ZNF385C: variants seen among roughly 807,000 people sequenced by gnomAD.
ZNF385C encodes the protein zinc finger protein 385C.
Under a neutral mutation model 35.4 loss-of-function variants are expected in ZNF385C, and 28 were observed. The observed-to-expected ratio is 0.79, with a 90% CI of 0.59 to 1.08. The LOEUF (loss-of-function observed/expected upper bound fraction) is 1.08. ZNF385C is among the 50% of genes least tolerant of loss of function. ZNF385C has a pLI of 0.00. For synonymous variants in ZNF385C, 248 were observed against 248.2 expected (o/e 1.00, Z 0.01); for missense variants, 605 against 595.6 (o/e 1.02, Z -0.16).
Position 42,041,988 on chromosome 17 carries a change from A to G in ZNF385C, c.251-4103T>C, listed in dbSNP as rs569377568. Among the ~76,000 whole-genome samples, 284 of 152,362 alleles carry G rather than the reference A, an allele frequency of 1.9e-3. 2 individuals carry two copies. Among genetic ancestry groups the G allele is most frequent in the African/African-American group, 6.2e-3 (259 of 41,582 alleles). On this transcript the variant is annotated intron_variant, in intron 2 of 8. Coordinates refer to ENST00000692273, the MANE Select transcript of ZNF385C (RefSeq NM_001392013.1). ...GTCACAAATCTAGATTTTTATATGT[A>G]ATCTCCTGAGTTTTTTAAAAGTTGA...
At chr17:42,076,478 T>C (rs2053686605) in intron 1 of ZNF385C, among the ~76,000 whole-genome samples, 1 of 152,046 alleles carries the variant, frequency 6.6e-6, no homozygotes, top group Non-Finnish European at 1.5e-5. Context: ...AAAAATTAGC[T>C]GGGCGTGGTG....
chr17:42,037,021 A>G (rs1207382273), intron 3 of ZNF385C, among the ~76,000 whole-genome samples: 1 of 152,214 alleles, frequency 6.6e-6, no homozygotes, highest in African/African-American at 2.4e-5. Flanking sequence ...GCACACGTGT[A>G]CAAGGAAATG....
chr17:42,096,691 A>C (rs757785713), intron 1 of ZNF385C, among the ~76,000 whole-genome samples: 26 of 152,144 alleles, frequency 1.7e-4, no homozygotes, highest in Non-Finnish European at 2.8e-4. Flanking sequence ...AGTGATGACA[A>C]GAGGGCATTT....
chr17:42,054,877 C>T (rs942941141), intron 2 of ZNF385C, among the ~76,000 whole-genome samples: 6 of 152,134 alleles, frequency 3.9e-5, no homozygotes, highest in South Asian at 2.1e-4. Flanking sequence ...CCACAGCACC[C>T]GGCCTGATCC....
chr17:42,098,279 G>A (rs1489489968), intron 1 of ZNF385C, 131 bp downstream of exon 1: 7 of 152,378 alleles, frequency 4.6e-5, no homozygotes, highest in African/African-American at 1.7e-4. Context: ...GCCGAGATAG[G>A]GATATCCTCA....
intron 4 of ZNF385C, among the ~76,000 whole-genome samples, chr17:42,032,571 G>C (rs1409537424): frequency 6.6e-6 from 1 of 152,182 alleles, no homozygotes. Flanking sequence ...CCCACACTTT[G>C]GGGTGTATGT....
chr17:42,087,627 C>T (rs898302434), intron 1 of ZNF385C, among the ~76,000 whole-genome samples: 8 of 152,152 alleles, frequency 5.3e-5, no homozygotes, highest in African/African-American at 1.7e-4. Context: ...CTTAAAAGAT[C>T]AATGGCCCCA....
intron 2 of ZNF385C, among the ~76,000 whole-genome samples, chr17:42,055,164 A>G (rs1555657459): frequency 1.3e-5 from 2 of 152,182 alleles, no homozygotes; most frequent in African/African-American, 2.4e-5. Context: ...GGAGCAGCCA[A>G]CATTCACAAA....
intron 1 of ZNF385C, among the ~76,000 whole-genome samples, chr17:42,066,187 G>A (rs555619041): frequency 4.5e-4 from 68 of 152,250 alleles, no homozygotes; most frequent in African/African-American, 1.6e-3. Context: ...AGCCTCCCGA[G>A]TAGCTGGGAC....
At chr17:42,085,637 G>A (rs1406348859) in intron 1 of ZNF385C, among the ~76,000 whole-genome samples, 7 of 139,466 alleles carry the variant, frequency 5.0e-5, no homozygotes, top group African/African-American at 5.4e-5. Context: ...TCACTTTGTC[G>A]CCCAGGCTGG....
chr17:42,087,940 T>C lies in ZNF385C; in HGVS notation c.-3+10470A>G, dbSNP rs147571504. 3.6e-3 allele frequency among the ~76,000 whole-genome samples: 551 copies of C among 152,344 alleles called. 4 individuals carry two copies. The highest frequency in any genetic ancestry group is 0.013 in the African/African-American group (524 of 41,576). On this transcript the variant is annotated intron_variant, in intron 1 of 8. Transcript: ENST00000692273. ...TATAAACTATAAGCTAAAACACTGATTTAAAACAGTCTGACAAAACTGTTT... is the reference window on the plus strand; with the variant it reads ...TATAAACTATAAGCTAAAACACTGACTTAAAACAGTCTGACAAAACTGTTT...
At chr17:42,041,588 T>C (rs2053023476) in intron 2 of ZNF385C, among the ~76,000 whole-genome samples, 1 of 152,102 alleles carries the variant, frequency 6.6e-6, no homozygotes, top group Non-Finnish European at 1.5e-5. Context: ...GAAAGCTAGT[T>C]TTTTCACTGT....
rs1382846938 is a variant in ZNF385C, at chr17:42,052,645, A to G, written c.250+10162T>C. ...CATATACCCAGAGAGACAGATGCACATGAACGTACAGACTCCTACAAATGC... is the reference window on the plus strand; with the variant it reads ...CATATACCCAGAGAGACAGATGCACGTGAACGTACAGACTCCTACAAATGC... On this transcript the variant is annotated intron_variant, in intron 2 of 8. Transcript: ENST00000692273. Among the ~76,000 whole-genome samples, 3 of 152,320 alleles carry G rather than the reference A, an allele frequency of 2.0e-5. No homozygotes were observed. In the East Asian group the frequency reaches 5.8e-4, roughly 29 times the overall value.
chr17:42,034,171 G>A (rs2052789736), intron 4 of ZNF385C, 54 bp downstream of exon 4: 3 of 1,408,686 alleles, frequency 2.1e-6, no homozygotes, highest in Middle Eastern at 1.8e-4. Context: ...CCAGCCTCCA[G>A]CCCTCTCCCT....
At position 42,026,939 on chromosome 17, in the gene ZNF385C, A is replaced by C; in HGVS notation, c.1470T>G (p.Ala490=). 1.9e-6 allele frequency: 3 copies of C among 1,609,270 alleles called. No individual in the cohort carries two copies. Among genetic ancestry groups the C allele is most frequent in the Non-Finnish European group, 1.7e-6 (2 of 1,177,704 alleles). Residue 490 remains alanine, a synonymous_variant, in exon 9 of 9, where the codon GCT becomes GCG. Coordinates refer to ENST00000692273, the MANE Select transcript of ZNF385C (RefSeq NM_001392013.1). ...CGATAGGTCCTGTGGCAGGGCGGAC[A>C]GCTCCTGCTGGGGTGCGAAACAGAG... ...GPALFRTPAG[A]VRPATGPIVL...
At chr17:42,048,769 C>G (rs1229717119) in intron 2 of ZNF385C, among the ~76,000 whole-genome samples, 2 of 152,126 alleles carry the variant, frequency 1.3e-5, no homozygotes, top group Non-Finnish European at 2.9e-5. Flanking sequence ...GCGGCCTTGT[C>G]CAGGCCACCT....
intron 1 of ZNF385C, 55 bp from the exon 2 acceptor site, chr17:42,063,113 G>A: frequency 3.5e-6 from 2 of 572,118 alleles, no homozygotes; most frequent in South Asian, 4.2e-5. Context: ...AATTCTTAGA[G>A]AGAGCAGGAG....
intron 1 of ZNF385C, among the ~76,000 whole-genome samples, chr17:42,086,717 A>G (rs1334700342): frequency 1.3e-5 from 2 of 151,648 alleles, no homozygotes; most frequent in Non-Finnish European, 2.9e-5. Flanking sequence ...AAAAAAAAAA[A>G]AAATCCAATA....
chr17:42,044,049 C>T lies in ZNF385C; in HGVS notation c.251-6164G>A, dbSNP rs115317189. On this transcript the variant is annotated intron_variant, in intron 2 of 8. Coordinates refer to ENST00000692273, the MANE Select transcript of ZNF385C (RefSeq NM_001392013.1). Reference sequence around the variant, plus strand: ...AAGGAAATCAGGCCAGGCATGGTGGCTCACTCCTATAATCCCAGCACTTTG... The same window carrying T: ...AAGGAAATCAGGCCAGGCATGGTGGTTCACTCCTATAATCCCAGCACTTTG... 2.9e-3 allele frequency among the ~76,000 whole-genome samples: 431 copies of T among 150,542 alleles called. 2 individuals are homozygous for T. Among genetic ancestry groups the T allele is most frequent in the African/African-American group, 0.01 (414 of 40,956 alleles).
Sources: gnomAD v4.1 joint callset for allele counts (sites outside exome capture counted in the v4.1 genomes callset) on GRCh38, gnomAD v4.1.1 for gene constraint, MANE v1.5 for transcripts, NCBI Gene and HGNC (gene_info 2026-07-23, HGNC 2026-07-21) for gene names.